WWOX: variants seen among roughly 807,000 people sequenced by gnomAD.
The protein encoded by WWOX is WW domain-containing oxidoreductase.
WWOX carries 69 observed loss-of-function variants against 46.2 expected under a neutral mutation model. That is an observed-to-expected ratio of 1.49 (90% confidence interval 1.23 to 1.82). WWOX has a LOEUF of 1.82. Ranked by LOEUF, WWOX falls within the 40% of genes most tolerant of loss-of-function variation. The pLI is 0.00. For synonymous variants in WWOX, 359 were observed against 202.6 expected (o/e 1.77, Z -6.56); for missense variants, 919 against 542.6 (o/e 1.69, Z -6.89).
chr16:78,234,291 A>G (rs960287704), intron 5 of WWOX, among the ~76,000 whole-genome samples: 11 of 152,162 alleles, frequency 7.2e-5, no homozygotes, highest in East Asian at 5.8e-4. Flanking sequence ...TTTTATGACT[A>G]TTCATTTTGA....
At chr16:79,007,769 A>T (rs116348239) in intron 8 of WWOX, among the ~76,000 whole-genome samples, 10 of 152,322 alleles carry the variant, frequency 6.6e-5, no homozygotes, top group African/African-American at 1.9e-4. Flanking sequence ...TCTTTCTCGG[A>T]TACCAAAGCT....
At chr16:79,156,380 C>G (rs1004159732) in intron 8 of WWOX, among the ~76,000 whole-genome samples, 7 of 152,196 alleles carry the variant, frequency 4.6e-5, no homozygotes, top group Admixed American at 3.3e-4. Context: ...AAGCTATTCT[C>G]GAACTCCTGA....
intron 8 of WWOX, among the ~76,000 whole-genome samples, chr16:78,595,438 A>G (rs2045465617): frequency 6.6e-6 from 1 of 152,134 alleles, no homozygotes; most frequent in Non-Finnish European, 1.5e-5. Flanking sequence ...ATTCGTTGGG[A>G]TCATACATTG....
At chr16:78,135,079 T>G (rs796723522) in intron 4 of WWOX, among the ~76,000 whole-genome samples, 35 of 152,300 alleles carry the variant, frequency 2.3e-4, no homozygotes, top group African/African-American at 8.2e-4. Flanking sequence ...CAGACAAACC[T>G]GACTCCCACC....
chr16:78,192,256 A>T (rs2035905705), intron 5 of WWOX, among the ~76,000 whole-genome samples: 1 of 152,180 alleles, frequency 6.6e-6, no homozygotes, highest in Non-Finnish European at 1.5e-5. Context: ...GCACTTTGGG[A>T]TGCTGACGCG....
intron 5 of WWOX, among the ~76,000 whole-genome samples, chr16:78,195,602 A>C (rs1389067882): frequency 6.6e-6 from 1 of 151,970 alleles, no homozygotes; most frequent in African/African-American, 2.4e-5. Context: ...TGGGCGAATC[A>C]CCCCAGGTCA....
intron 6 of WWOX, among the ~76,000 whole-genome samples, chr16:78,396,685 T>A (rs1489528331): frequency 6.6e-6 from 1 of 152,252 alleles, no homozygotes; most frequent in Non-Finnish European, 1.5e-5. Flanking sequence ...GACTAGACAT[T>A]CGTCGGCAAA....
At chr16:79,053,177 C>G (rs1017851522) in intron 8 of WWOX, among the ~76,000 whole-genome samples, 1 of 152,108 alleles carries the variant, frequency 6.6e-6, no homozygotes, top group Non-Finnish European at 1.5e-5. Flanking sequence ...ATTGCGTTTT[C>G]TATTTTATTG....
chr16:78,383,581 T>C (rs544795121), intron 5 of WWOX, among the ~76,000 whole-genome samples: 25 of 152,292 alleles, frequency 1.6e-4, no homozygotes, highest in Admixed American at 7.8e-4. Context: ...TACCTTCTTA[T>C]TTAGAGCATG....
At position 78,776,561 on chromosome 16, in the gene WWOX, A is replaced by C. The variant is rs189499758; in HGVS notation, c.1056+343809A>C. 5.6e-4 allele frequency among the ~76,000 whole-genome samples: 86 copies of C among 152,252 alleles called. 1 individual carries two copies. Among genetic ancestry groups the C allele is most frequent in the Admixed American group, 2.0e-4 (3 of 15,298 alleles). On this transcript the variant is annotated intron_variant, in intron 8 of 8. Coordinates refer to ENST00000566780, the MANE Select transcript of WWOX (RefSeq NM_016373.4). ...AGCAGCAGCAGTGTGTGCCATACTT[A>C]CCTTTATGGAATGAACAGATTTGGA...
chr16:78,376,390 C>T (rs935343206), intron 5 of WWOX, among the ~76,000 whole-genome samples: 5 of 152,184 alleles, frequency 3.3e-5, no homozygotes, highest in African/African-American at 1.2e-4. Context: ...AAAATATACT[C>T]TGGAAGGATT....
At chr16:78,239,750 G>C (rs1597389608) in intron 5 of WWOX, among the ~76,000 whole-genome samples, 1 of 152,158 alleles carries the variant, frequency 6.6e-6, no homozygotes, top group Non-Finnish European at 1.5e-5. Flanking sequence ...GGCCAGGCTG[G>C]TCTCGAACTC....
intron 8 of WWOX, among the ~76,000 whole-genome samples, chr16:78,904,329 C>G (rs1183315952): frequency 2.0e-5 from 3 of 150,884 alleles, no homozygotes; most frequent in African/African-American, 7.3e-5. Context: ...ACCTCTGCCT[C>G]CCGGGTTCAA....
chr16:78,397,226 C>T (rs948270855), intron 6 of WWOX, among the ~76,000 whole-genome samples: 1 of 150,836 alleles, frequency 6.6e-6, no homozygotes, highest in Non-Finnish European at 1.5e-5. Flanking sequence ...AATAAGACAA[C>T]TAAGTGCTGT....
At chr16:78,234,598 A>G (rs73570469) in intron 5 of WWOX, among the ~76,000 whole-genome samples, 11,403 of 152,234 alleles carry the variant, frequency 0.075, 993 homozygotes, top group East Asian at 0.31. Context: ...AGACTTGAAT[A>G]AGGTATTTTT....
At chr16:79,055,311 C>T (rs1167094808) in intron 8 of WWOX, among the ~76,000 whole-genome samples, 1 of 152,140 alleles carries the variant, frequency 6.6e-6, no homozygotes, top group Non-Finnish European at 1.5e-5. Flanking sequence ...AATATCAATT[C>T]TTTTCTACTC....
At chr16:78,425,584 C>T (rs2083056727) in intron 7 of WWOX, among the ~76,000 whole-genome samples, 1 of 152,144 alleles carries the variant, frequency 6.6e-6, no homozygotes, top group Non-Finnish European at 1.5e-5. Flanking sequence ...ATTAAAACAT[C>T]AGATGGCACT....
At chr16:78,813,680 A>C (rs192466649) in intron 8 of WWOX, among the ~76,000 whole-genome samples, 1 of 152,138 alleles carries the variant, frequency 6.6e-6, no homozygotes, top group African/African-American at 2.4e-5. Context: ...TTTGAGATCA[A>C]TCACATTCAT....
intron 8 of WWOX, among the ~76,000 whole-genome samples, chr16:78,441,886 T>G (rs1478610735): frequency 6.6e-6 from 1 of 152,008 alleles, no homozygotes; most frequent in East Asian, 1.9e-4. Flanking sequence ...TAACCATTAT[T>G]GCTGTCATTA....
Sources: gnomAD v4.1 joint callset for allele counts (sites outside exome capture counted in the v4.1 genomes callset) on GRCh38, gnomAD v4.1.1 for gene constraint, MANE v1.5 for transcripts, NCBI Gene and HGNC (gene_info 2026-07-23, HGNC 2026-07-21) for gene names.